The following DLGAP1 variants were observed in gnomAD, a reference collection of about 807,000 sequenced individuals.
DLGAP1 encodes the protein disks large-associated protein 1.
In DLGAP1, 11 loss-of-function variants were observed where a neutral mutation model predicts 90.8. That is an observed-to-expected ratio of 0.12 (90% CI 0.08 to 0.20). The LOEUF (loss-of-function observed/expected upper bound fraction) is 0.20. Ranked by LOEUF, DLGAP1 falls within the 10% of genes least tolerant of loss-of-function variation. The pLI, the probability that DLGAP1 is intolerant of heterozygous loss-of-function variation, is 1.00. For missense variants in DLGAP1, 1,050 were observed against 1,333.8 expected (o/e 0.79, Z 3.31); for synonymous variants, 558 against 540.7 (o/e 1.03, Z -0.44).
At chr18:4,195,323 T>A (rs2077476594) in intron 1 of DLGAP1, among the ~76,000 whole-genome samples, 1 of 152,172 alleles carries the variant, frequency 6.6e-6, no homozygotes, top group African/African-American at 2.4e-5. Context: ...AACAAGCCAT[T>A]TGAGGAAACA....
At chr18:3,921,625 T>A (rs189273578) in intron 3 of DLGAP1, among the ~76,000 whole-genome samples, 1 of 152,220 alleles carries the variant, frequency 6.6e-6, no homozygotes, top group Non-Finnish European at 1.5e-5. Flanking sequence ...TGGAAAGTCA[T>A]GTGTAAATGT....
chr18:3,835,758 A>G (rs1419967649), intron 4 of DLGAP1, among the ~76,000 whole-genome samples: 1 of 152,042 alleles, frequency 6.6e-6, no homozygotes, highest in Non-Finnish European at 1.5e-5. Context: ...AAGTTTCATT[A>G]TTTGATGATT....
At chr18:4,027,498 C>A (rs186039499) in intron 2 of DLGAP1, among the ~76,000 whole-genome samples, 6 of 90,934 alleles carry the variant, frequency 6.6e-5, no homozygotes, top group Admixed American at 3.1e-4. Flanking sequence ...AGCAAGACTC[C>A]GTCTCAAAAA....
chr18:4,082,111 C>T (rs1005713394), intron 2 of DLGAP1, among the ~76,000 whole-genome samples: 9 of 151,888 alleles, frequency 5.9e-5, no homozygotes, highest in African/African-American at 1.9e-4. Context: ...GAGGCTAAGG[C>T]GAGTGGATTG....
intron 8 of DLGAP1, among the ~76,000 whole-genome samples, chr18:3,572,069 G>GTTTTT (rs67491547): frequency 1.2e-4 from 13 of 105,610 alleles, no homozygotes; most frequent in South Asian, 3.1e-4. Context: ...TTTCTTCTAG[G>GTTTTT]TTTTTTTTTT....
chr18:4,151,533 T>C (rs1162523614), intron 1 of DLGAP1, among the ~76,000 whole-genome samples: 1 of 152,222 alleles, frequency 6.6e-6, no homozygotes, highest in African/African-American at 2.4e-5. Context: ...AGGCTTGATA[T>C]TCTACAATAT....
chr18:3,875,352 G>A (rs889186028), intron 4 of DLGAP1, among the ~76,000 whole-genome samples: 5 of 152,164 alleles, frequency 3.3e-5, no homozygotes, highest in African/African-American at 1.2e-4. Flanking sequence ...AATGATTTAA[G>A]CATTTGTGCC....
chr18:3,760,904 G>A (rs1411820968), intron 5 of DLGAP1, among the ~76,000 whole-genome samples: 5 of 152,124 alleles, frequency 3.3e-5, no homozygotes, highest in African/African-American at 9.7e-5. Context: ...TCTTCAATTC[G>A]TTGAACACTG....
chr18:4,389,732 G>T (rs760375055), intron 1 of DLGAP1, among the ~76,000 whole-genome samples: 2 of 152,012 alleles, frequency 1.3e-5, no homozygotes, highest in Non-Finnish European at 2.9e-5. Context: ...CCCATTATAC[G>T]CAAATTGATG....
chr18:4,319,907 G>T (rs1207748654), intron 1 of DLGAP1, among the ~76,000 whole-genome samples: 1 of 151,962 alleles, frequency 6.6e-6, no homozygotes, highest in Non-Finnish European at 1.5e-5. Flanking sequence ...TCAATTCTGA[G>T]GCCTCTCCAA....
At chr18:4,169,312 A>C (rs7236926) in intron 1 of DLGAP1, among the ~76,000 whole-genome samples, 152,298 of 152,298 alleles carry the variant, frequency 1, 76,149 homozygotes, top group Non-Finnish European at 1. Flanking sequence ...ACCTCACTGT[A>C]ATTTTCTTAA....
chr18:3,523,599 G>A (rs898347182), intron 10 of DLGAP1, among the ~76,000 whole-genome samples: 2 of 152,032 alleles, frequency 1.3e-5, no homozygotes, highest in African/African-American at 2.4e-5. Context: ...TGTAATCCCA[G>A]CACTTTGGGA....
At chr18:3,895,321 A>ACACACAC (rs1555703472) in intron 3 of DLGAP1, among the ~76,000 whole-genome samples, 9 of 104,798 alleles carry the variant, frequency 8.6e-5, no homozygotes, top group South Asian at 6.2e-4. Context: ...ACACACACAC[A>ACACACAC]TCATCATCAT....
intron 7 of DLGAP1, among the ~76,000 whole-genome samples, chr18:3,698,726 T>C (rs911192756): frequency 6.6e-6 from 1 of 152,232 alleles, no homozygotes; most frequent in Non-Finnish European, 1.5e-5. Flanking sequence ...GGTAATATCC[T>C]GAAGAACGTT....
intron 10 of DLGAP1, among the ~76,000 whole-genome samples, chr18:3,519,216 G>A (rs2051023587): frequency 6.6e-6 from 1 of 152,142 alleles, no homozygotes. Flanking sequence ...CCTTAAGAAT[G>A]GCAGCTTCTA....
rs537795786 is a variant in DLGAP1 at position 4,405,242 on chromosome 18, C to A, written c.-267+49764G>T. Among the ~76,000 whole-genome samples, 6 of 152,198 alleles carry A rather than the reference C, an allele frequency of 3.9e-5. No homozygotes were observed. In the South Asian group the frequency reaches 1.0e-3, roughly 26 times the overall value. ...CAGGAGTATTAATGCCATAGGTATC[C>A]CTCAGGGCAATCCAAATCAGAGGGC... is the stretch of plus-strand genomic sequence containing the variant. On this transcript the variant is annotated intron_variant, in intron 1 of 12. Transcript: ENST00000315677.
chr18:3,870,673 A>G (rs878931117), intron 4 of DLGAP1, among the ~76,000 whole-genome samples: 2 of 152,022 alleles, frequency 1.3e-5, no homozygotes, highest in South Asian at 4.1e-4. Context: ...TGGCCTTTGC[A>G]AATATGGTAA....
intron 7 of DLGAP1, among the ~76,000 whole-genome samples, chr18:3,641,323 G>C (rs936188311): frequency 1.9e-4 from 29 of 151,694 alleles, no homozygotes; most frequent in Admixed American, 9.2e-4. Flanking sequence ...CAAGGCAGGC[G>C]GATCACCTGA....
intron 2 of DLGAP1, among the ~76,000 whole-genome samples, chr18:4,121,947 C>G (rs1316713793): frequency 1.3e-5 from 2 of 152,144 alleles, no homozygotes; most frequent in Admixed American, 1.3e-4. Flanking sequence ...TTAGTATTAT[C>G]TTCTTTTTAA....
Sources: gnomAD v4.1 joint callset for allele counts (sites outside exome capture counted in the v4.1 genomes callset) on GRCh38, gnomAD v4.1.1 for gene constraint, MANE v1.5 for transcripts, NCBI Gene and HGNC (gene_info 2026-07-23, HGNC 2026-07-21) for gene names.